ABCA12: variants seen among roughly 807,000 people sequenced by gnomAD.
The protein encoded by ABCA12 is glucosylceramide transporter ABCA12.
ABCA12 carries 156 observed loss-of-function variants against 293.5 expected under a neutral mutation model. That is an observed-to-expected ratio of 0.53 (90% CI 0.47 to 0.61). The LOEUF is 0.61. ABCA12 is among the 20% of genes least tolerant of loss of function. The pLI is 0.00. For synonymous variants in ABCA12, 1,063 were observed against 1,108.0 expected (o/e 0.96, Z 0.81); for missense variants, 2,797 against 3,090.2 (o/e 0.91, Z 2.25).
rs368926538 is a variant in ABCA12, at chr2:215,111,590, T to C, written c.163+7A>G. The C allele has an allele frequency of 3.2e-6, 5 of 1,585,628 alleles. No individual in the cohort carries two copies. In the African/African-American group the frequency reaches 6.7e-5, roughly 21 times the overall value. Reference sequence around the variant, plus strand: ...ATTAAGGAAATAAACAAATGTCATTTACTTACAAGTTGGTTTTGCAGTTGG... The same window carrying C: ...ATTAAGGAAATAAACAAATGTCATTCACTTACAAGTTGGTTTTGCAGTTGG... On this transcript the variant is annotated splice_region_variant and intron_variant, in intron 2 of 52. Transcript: ENST00000272895.
Position 214,975,797 on chromosome 2 carries a change from G to A in ABCA12, c.5369C>T (p.Thr1790Ile). The change falls in exon 34 of 53, where the codon ACA becomes ATA. Residue 1790 changes from threonine to isoleucine, a missense_variant. Physicochemically the swap from Thr to Ile is moderately conservative, Grantham distance 89. Coordinates refer to ENST00000272895, the MANE Select transcript of ABCA12 (RefSeq NM_173076.3). ...SPSLYGTSEQ[T>I]AFYANYHPST... is the part of the protein sequence containing the mutation. ...GAAAGAAACTTACGCATAGAAGGCT[G>A]TCTGTTCGGAGGTACCATAAAGAGA... is the stretch of plus-strand genomic sequence containing the variant. 1 of 1,613,888 alleles carries A rather than the reference G, an allele frequency of 6.2e-7. No individual in the cohort carries two copies.
At chr2:215,046,457 A>G (rs1363431419) in intron 6 of ABCA12, among the ~76,000 whole-genome samples, 2 of 147,828 alleles carry the variant, frequency 1.4e-5, no homozygotes, top group East Asian at 3.9e-4. Context: ...AGAGATACGG[A>G]TAGATTTTTA....
Position 215,054,154 on chromosome 2 carries a change from A to C in ABCA12, c.409+419T>G, listed in dbSNP as rs143775383. 7.2e-3 allele frequency among the ~76,000 whole-genome samples: 1,092 copies of C among 152,204 alleles called. 8 individuals carry two copies. Among genetic ancestry groups the C allele is most frequent in the Non-Finnish European group, 0.011 (739 of 67,988 alleles). ...TGCCAGCTCTGCTGTATGGCTGTAG[A>C]TACAGCACTTAACTTTGTTGAGCCT... On this transcript the variant is annotated intron_variant, in intron 4 of 52. Coordinates refer to ENST00000272895, the MANE Select transcript of ABCA12 (RefSeq NM_173076.3).
chr2:215,075,885 T>A (rs1176311839), intron 2 of ABCA12, among the ~76,000 whole-genome samples: 1 of 152,034 alleles, frequency 6.6e-6, no homozygotes, highest in Non-Finnish European at 1.5e-5. Flanking sequence ...GGAAAAAAAA[T>A]AGACCTCATC....
chr2:214,995,625 G>A (rs1038457772), intron 23 of ABCA12, among the ~76,000 whole-genome samples: 1 of 152,036 alleles, frequency 6.6e-6, no homozygotes, highest in African/African-American at 2.4e-5. Context: ...GAGAACTGTG[G>A]GCAGTGGAGC....
chr2:215,059,641 G>T (rs943747437), intron 3 of ABCA12, among the ~76,000 whole-genome samples: 3 of 151,890 alleles, frequency 2.0e-5, no homozygotes, highest in Admixed American at 6.6e-5. Context: ...TCTAAAATTT[G>T]TCAGGCTATT....
chr2:215,070,212 A>G (rs1263226476), intron 2 of ABCA12, among the ~76,000 whole-genome samples: 1 of 152,188 alleles, frequency 6.6e-6, no homozygotes, highest in Non-Finnish European at 1.5e-5. Flanking sequence ...AAATCTAACT[A>G]ATACACATTG....
At chr2:215,014,510 T>G (rs764869446) in intron 15 of ABCA12, among the ~76,000 whole-genome samples, 43 of 152,030 alleles carry the variant, frequency 2.8e-4, no homozygotes, top group African/African-American at 4.1e-4. Context: ...CTTGTAAAAT[T>G]TGGGGGTTTA....
chr2:214,985,750 G>A (rs1699771342), intron 28 of ABCA12, among the ~76,000 whole-genome samples: 1 of 152,146 alleles, frequency 6.6e-6, no homozygotes, highest in African/African-American at 2.4e-5. Flanking sequence ...ATGATACTAA[G>A]TAAGATATGC....
Position 215,054,630 on chromosome 2 carries a change from C to T in ABCA12, c.352G>A (p.Asp118Asn), listed in dbSNP as rs761108924. 3.7e-6 allele frequency: 6 copies of T among 1,612,104 alleles called. No homozygotes were observed. The Admixed American group carries it at 6.7e-5, about 18-fold the overall frequency. Reference sequence around the variant, plus strand: ...GTGCTCTGGAATGATAAACTGCTGTCCTTATCCAGGTTGGATGACTTTCTC... The same window carrying T: ...GTGCTCTGGAATGATAAACTGCTGTTCTTATCCAGGTTGGATGACTTTCTC... ...ILRKSSNLDK[D>N]SSLSFQSTQV... Residue 118 changes from aspartate (D) to asparagine (N), a missense_variant, in exon 4 of 53, where the codon GAC (aspartate) becomes AAC (asparagine). Around this residue, in one of 3 missense-constraint regions of ABCA12, gnomAD observed 656 missense variants for 638.2 expected, o/e 1.03. Transcript: ENST00000272895.
intron 6 of ABCA12, among the ~76,000 whole-genome samples, chr2:215,046,454 C>A (rs10167689): frequency 6.8e-6 from 1 of 146,226 alleles, no homozygotes. Context: ...AGTAGAGATA[C>A]GGATAGATTT....
Position 214,937,607 on chromosome 2 carries a change from C to T in ABCA12, c.7445G>A (p.Arg2482Gln), listed in dbSNP as rs764500803. The T allele has an allele frequency of 1.2e-5, 20 of 1,613,284 alleles. No individual in the cohort carries two copies. Among genetic ancestry groups the T allele is most frequent in the Non-Finnish European group, 1.7e-5 (20 of 1,179,542 alleles). The change falls in exon 51 of 53, where the codon CGA (arginine) becomes CAA (glutamine). Residue 2482 changes from arginine to glutamine, a missense_variant. Around this residue, in one of 3 missense-constraint regions of ABCA12, gnomAD observed 2,130 missense variants for 2,427.0 expected, o/e 0.88. Coordinates refer to ENST00000272895, the MANE Select transcript of ABCA12 (RefSeq NM_173076.3). Reference protein sequence around the residue: ...SLQHIKSRFGRGFTVKVHLKN... With the variant: ...SLQHIKSRFGQGFTVKVHLKN... ...CAAGTGAACTTTGACAGTAAATCCT[C>T]GTCCAAACCTAGAAAGAAAAAGTGC...
chr2:215,046,148 A>G, intron 6 of ABCA12, 133 bp from the exon 7 acceptor site: 1 of 843,328 alleles, frequency 1.2e-6, no homozygotes, highest in Non-Finnish European at 1.8e-6. Flanking sequence ...CTCAGTTTGA[A>G]GCCAATCTTT....
rs767940544 is a variant in ABCA12 at position 214,975,772 on chromosome 2, GAA to G, written c.5381+11_5381+12del. 4 of 1,612,378 alleles carry G rather than the reference GAA, an allele frequency of 2.5e-6. No individual in the cohort carries two copies. The Admixed American group carries it at 6.7e-5, about 27-fold the overall frequency. ...TTTGGAAACATTCTTTTAGTTAACA[GAA>G]AGAAACTTACGCATAGAAGGCTGTC... is the stretch of plus-strand genomic sequence containing the variant. On this transcript the variant is annotated intron_variant, in intron 34 of 52. Transcript: ENST00000272895.
At position 215,091,920 on chromosome 2, in the gene ABCA12, C is replaced by T. The variant is rs1341703403; in HGVS notation, c.163+19677G>A. 2.0e-5 allele frequency among the ~76,000 whole-genome samples: 3 copies of T among 152,226 alleles called. No individual in the cohort carries two copies. The East Asian group carries it at 5.8e-4, about 29-fold the overall frequency. On this transcript the variant is annotated intron_variant, in intron 2 of 52. Transcript: ENST00000272895. ...GAATGCCCACAGCCCAGGATTCCTCCTAAGCTGTGTCCCGTCTGTGAGGGA... is the reference window on the plus strand; with the variant it reads ...GAATGCCCACAGCCCAGGATTCCTCTTAAGCTGTGTCCCGTCTGTGAGGGA...
In ABCA12 at chr2:214,982,369, G is replaced by T; in HGVS notation, c.4397C>A (p.Thr1466Asn). 6.2e-7 allele frequency: 1 copy of T among 1,613,684 alleles called. No homozygotes were observed. The highest frequency in any genetic ancestry group is 8.5e-7 in the Non-Finnish European group (1 of 1,179,736). The change falls in exon 30 of 53, where the codon ACT becomes AAT. Residue 1466 changes from threonine (T) to asparagine (N), a missense_variant. Thr to Asn is a moderately conservative substitution (Grantham distance 65). Coordinates refer to ENST00000272895, the MANE Select transcript of ABCA12 (RefSeq NM_173076.3). ...HEEVKRTLKDTGLYSHRHKRV... is the reference protein window; with the variant it reads ...HEEVKRTLKDNGLYSHRHKRV... Reference sequence around the variant, plus strand: ...CTTATGACGATGGCTATATAGTCCAGTATCTTTTAAAGTCCTTCAAAAATA... The same window carrying T: ...CTTATGACGATGGCTATATAGTCCATTATCTTTTAAAGTCCTTCAAAAATA...
At chr2:215,036,047 G>A (rs76285436) in intron 8 of ABCA12, among the ~76,000 whole-genome samples, 5,313 of 151,918 alleles carry the variant, frequency 0.035, 293 homozygotes, top group African/African-American at 0.12. Context: ...TTTTTTTTAA[G>A]AGTAATCCTG....
chr2:214,983,618 C>T, intron 29 of ABCA12, 29 bp downstream of exon 29: 4 of 1,600,530 alleles, frequency 2.5e-6, no homozygotes, highest in Non-Finnish European at 3.4e-6. Context: ...GAGTTAGCAA[C>T]TTAGGTTCTC....
chr2:214,989,514 T>C (rs1259074680), intron 25 of ABCA12, 38 bp downstream of exon 25: 1 of 1,613,878 alleles, frequency 6.2e-7, no homozygotes, highest in East Asian at 2.2e-5. Flanking sequence ...AGCACAGTTG[T>C]GAAAGATAAA....
Sources: gnomAD v4.1 joint callset for allele counts (sites outside exome capture counted in the v4.1 genomes callset) on GRCh38, gnomAD v4.1.1 for gene constraint, gnomAD v4.1.1 regional missense constraint, MANE v1.5 for transcripts, NCBI Gene and HGNC (gene_info 2026-07-23, HGNC 2026-07-21) for gene names.